The following CRTAC1 variants were observed in gnomAD, a reference collection of about 807,000 sequenced individuals.
The protein encoded by CRTAC1 is acidic secreted protein in cartilage.
Under a neutral mutation model 67.8 loss-of-function variants are expected in CRTAC1, and 37 were observed. The ratio of observed to expected loss-of-function variants is 0.55; its 90% confidence interval spans 0.42 to 0.72. CRTAC1 has a LOEUF of 0.72. CRTAC1 is among the 30% of genes least tolerant of loss of function. The probability of loss-of-function intolerance (pLI) is 0.00; values close to 1 mark genes in which losing one functional copy is unlikely to be tolerated. For synonymous variants in CRTAC1, 348 were observed against 371.0 expected, an observed-to-expected ratio of 0.94 and a Z score of 0.71; for missense variants, 780 against 931.6, an observed-to-expected ratio of 0.84 and a Z score of 2.12.
intron 2 of CRTAC1, among the ~76,000 whole-genome samples, chr10:97,956,226 C>T (rs971222605): frequency 5.3e-5 from 8 of 152,228 alleles, no homozygotes; most frequent in Non-Finnish European, 7.3e-5. Context: ...CAGCTTAGCA[C>T]GTATTGACTG....
chr10:97,954,669 G>A (rs1590235935), intron 2 of CRTAC1, among the ~76,000 whole-genome samples: 1 of 152,182 alleles, frequency 6.6e-6, no homozygotes, highest in Non-Finnish European at 1.5e-5. Context: ...CAATGACCCC[G>A]GTATTAGTCT....
chr10:97,949,646 A>T (rs548860555), intron 2 of CRTAC1, among the ~76,000 whole-genome samples: 5 of 152,234 alleles, frequency 3.3e-5, no homozygotes, highest in Non-Finnish European at 7.3e-5. Flanking sequence ...GAAGTCAGAC[A>T]TAAAGGCTGA....
At chr10:97,874,220 G>C (rs186076773) in intron 14 of CRTAC1, among the ~76,000 whole-genome samples, 2 of 152,316 alleles carry the variant, frequency 1.3e-5, no homozygotes, top group East Asian at 3.9e-4. Flanking sequence ...GAAAAGGAGG[G>C]AAGAGGACTA....
intron 13 of CRTAC1, among the ~76,000 whole-genome samples, chr10:97,881,898 G>A (rs1332731777): frequency 6.6e-6 from 1 of 151,992 alleles, no homozygotes; most frequent in East Asian, 1.9e-4. Context: ...CTTTCTCTAG[G>A]GCACCTTCTA....
intron 2 of CRTAC1, among the ~76,000 whole-genome samples, chr10:98,005,763 A>G (rs1842777936): frequency 6.6e-6 from 1 of 152,046 alleles, no homozygotes; most frequent in African/African-American, 2.4e-5. Context: ...TGTCTTTTAA[A>G]AAATCATTGT....
chr10:97,967,003 C>A (rs866023299), intron 2 of CRTAC1, among the ~76,000 whole-genome samples: 11 of 148,118 alleles, frequency 7.4e-5, no homozygotes, highest in East Asian at 2.0e-4. Flanking sequence ...ACCCCCCCCC[C>A]CCCGACATCC....
chr10:97,959,362 G>A (rs1277113793), intron 2 of CRTAC1, among the ~76,000 whole-genome samples: 1 of 152,238 alleles, frequency 6.6e-6, no homozygotes, highest in Non-Finnish European at 1.5e-5. Flanking sequence ...AACAACTTAA[G>A]CACAACTTAG....
At chr10:97,960,984 T>C (rs2051516264) in intron 2 of CRTAC1, among the ~76,000 whole-genome samples, 1 of 152,250 alleles carries the variant, frequency 6.6e-6, no homozygotes, top group Non-Finnish European at 1.5e-5. Context: ...ACTCTTTTTT[T>C]CTTCATGTTT....
chr10:97,937,333 A>C (rs2051105799), intron 2 of CRTAC1, among the ~76,000 whole-genome samples: 1 of 152,038 alleles, frequency 6.6e-6, no homozygotes, highest in Non-Finnish European at 1.5e-5. Flanking sequence ...CTTCTCAGTG[A>C]GGGCTTGCCT....
chr10:97,904,623 G>A (rs1183521199), intron 7 of CRTAC1, 46 bp downstream of exon 7: 2 of 1,469,796 alleles, frequency 1.4e-6, no homozygotes, highest in East Asian at 2.5e-5. Context: ...GTTTTGCCAT[G>A]TTGGACAGGC....
chr10:97,875,216 C>T (rs1232660671), intron 14 of CRTAC1, among the ~76,000 whole-genome samples: 1 of 152,238 alleles, frequency 6.6e-6, no homozygotes, highest in Non-Finnish European at 1.5e-5. Flanking sequence ...GTGTAATTTA[C>T]TGTTTCTGAG....
intron 3 of CRTAC1, among the ~76,000 whole-genome samples, chr10:97,927,446 T>C (rs1335147893): frequency 6.6e-6 from 1 of 152,196 alleles, no homozygotes; most frequent in Non-Finnish European, 1.5e-5. Context: ...GCCATGGAAC[T>C]CCTTTTTGTA....
chr10:97,976,064 C>T (rs756504809), intron 2 of CRTAC1, among the ~76,000 whole-genome samples: 1 of 152,214 alleles, frequency 6.6e-6, no homozygotes, highest in Admixed American at 6.5e-5. Flanking sequence ...AGGTGCGTGC[C>T]TGGAGAGCCT....
chr10:97,878,625 T>C, intron 14 of CRTAC1: 2 of 1,303,214 alleles, frequency 1.5e-6, no homozygotes, highest in Non-Finnish European at 1.0e-6. Flanking sequence ...TTCCAAAGAG[T>C]GTTCTGGCTA....
chr10:97,874,550 G>T (rs775058269), intron 14 of CRTAC1, among the ~76,000 whole-genome samples: 1 of 152,168 alleles, frequency 6.6e-6, no homozygotes, highest in East Asian at 1.9e-4. Flanking sequence ...CCCACCACAG[G>T]TGTCCTGGGT....
chr10:97,953,363 C>A (rs760120910), intron 2 of CRTAC1, among the ~76,000 whole-genome samples: 1 of 152,112 alleles, frequency 6.6e-6, no homozygotes, highest in Non-Finnish European at 1.5e-5. Flanking sequence ...CAGCCAGTAT[C>A]TTTTGAAATT....
intron 2 of CRTAC1, among the ~76,000 whole-genome samples, chr10:97,947,741 G>A (rs939645327): frequency 6.6e-6 from 1 of 152,184 alleles, no homozygotes; most frequent in African/African-American, 2.4e-5. Flanking sequence ...TGTGGAAGAT[G>A]TGGCATGAAA....
At chr10:97,925,878 C>G (rs917325622) in intron 3 of CRTAC1, among the ~76,000 whole-genome samples, 2 of 152,122 alleles carry the variant, frequency 1.3e-5, no homozygotes, top group South Asian at 4.2e-4. Context: ...ACCCCTTGAC[C>G]CCTCAGGTGG....
At chr10:97,904,320 T>C (rs2050579976) in intron 7 of CRTAC1, among the ~76,000 whole-genome samples, 1 of 152,196 alleles carries the variant, frequency 6.6e-6, no homozygotes, top group Non-Finnish European at 1.5e-5. Context: ...CTGCTCAGCC[T>C]GGTGGGAGGA....
Sources: gnomAD v4.1 joint callset for allele counts (sites outside exome capture counted in the v4.1 genomes callset) on GRCh38, gnomAD v4.1.1 for gene constraint, MANE v1.5 for transcripts, NCBI Gene and HGNC (gene_info 2026-07-23, HGNC 2026-07-21) for gene names.